The following RBM33 variants were observed in gnomAD, a reference collection of about 807,000 sequenced individuals.
RBM33 encodes the protein RNA binding motif protein 33.
Under a neutral mutation model 132.6 loss-of-function variants are expected in RBM33, and 28 were observed. The ratio of observed to expected loss-of-function variants is 0.21; its 90% CI spans 0.16 to 0.29. RBM33 has a LOEUF of 0.29. Ranked by LOEUF, RBM33 falls within the 10% of genes least tolerant of loss-of-function variation. The probability of loss-of-function intolerance (pLI) is 1.00; values close to 1 mark genes in which losing one functional copy is unlikely to be tolerated. For synonymous variants in RBM33, 634 were observed against 593.0 expected (o/e 1.07, Z -1.01); for missense variants, 1,291 against 1,518.5 (o/e 0.85, Z 2.49).
chr7:155,748,428 A>G (rs900072114), intron 14 of RBM33, among the ~76,000 whole-genome samples: 1 of 152,208 alleles, frequency 6.6e-6, no homozygotes, highest in African/African-American at 2.4e-5. Context: ...TTGCAGTTGA[A>G]ATATGTGTCC....
chr7:155,673,954 T>TGTTTTTTTTTTG lies in RBM33; in HGVS notation c.171+1039_171+1040insGTTTTTTTTTTG, dbSNP rs1563138409. 3.4e-5 allele frequency among the ~76,000 whole-genome samples: 4 copies of TGTTTTTTTTTTG among 118,030 alleles called. 1 individual carries two copies. The highest frequency in any genetic ancestry group is 1.3e-4 in the African/African-American group (4 of 31,622). 77.4% of individuals were successfully genotyped at this position (118,030 alleles called of 152,430 possible). On this transcript the variant is annotated intron_variant, in intron 3 of 17. Transcript: ENST00000401878. ...GTTTAGGCTTAGTTTTTTTTTTTTTTTTTTTTTTTTTTTTTTTTGAGACAC... is the reference window on the plus strand; with the variant it reads ...GTTTAGGCTTAGTTTTTTTTTTTTTTGTTTTTTTTTTGTTTTTTTTTTTTTTTTTTGAGACAC...
intron 15 of RBM33, among the ~76,000 whole-genome samples, chr7:155,764,971 A>G (rs975061329): frequency 6.6e-6 from 1 of 152,254 alleles, no homozygotes; most frequent in Non-Finnish European, 1.5e-5. Flanking sequence ...ATTCAGTGAT[A>G]ACGCCAGTGT....
intron 4 of RBM33, 129 bp downstream of exon 4, chr7:155,678,813 A>G (rs767312622): frequency 1.6e-5 from 9 of 580,366 alleles, no homozygotes; most frequent in Non-Finnish European, 2.8e-5. Context: ...TACATTCTAA[A>G]TGGAATACTA....
chr7:155,736,133 A>C (rs950384090), intron 9 of RBM33, among the ~76,000 whole-genome samples: 1 of 152,176 alleles, frequency 6.6e-6, no homozygotes, highest in Non-Finnish European at 1.5e-5. Flanking sequence ...ACTAGTGTTC[A>C]TTTTGTCTAT....
intron 1 of RBM33, among the ~76,000 whole-genome samples, chr7:155,656,004 G>A (rs994202951): frequency 1.4e-4 from 22 of 152,154 alleles, no homozygotes; most frequent in Admixed American, 1.2e-3. Flanking sequence ...ACAGACTGTG[G>A]TTATTCAGAT....
intron 3 of RBM33, among the ~76,000 whole-genome samples, chr7:155,673,661 C>CACAT (rs1554469840): frequency 1.8e-5 from 2 of 108,188 alleles, no homozygotes; most frequent in African/African-American, 4.0e-5. Flanking sequence ...TATATACACA[C>CACAT]ATATACATAC....
chr7:155,652,281 T>C (rs1798376248), intron 1 of RBM33, among the ~76,000 whole-genome samples: 1 of 152,212 alleles, frequency 6.6e-6, no homozygotes, highest in Non-Finnish European at 1.5e-5. Context: ...ATGAGTTTTG[T>C]TGGAAGTGCT....
chr7:155,771,076 A>T (rs996543905), intron 16 of RBM33, among the ~76,000 whole-genome samples: 1 of 152,162 alleles, frequency 6.6e-6, no homozygotes, highest in African/African-American at 2.4e-5. Context: ...TCTCCCTGCC[A>T]GTACGTTATG....
At chr7:155,664,917 GT>G (rs35481002) in intron 1 of RBM33, among the ~76,000 whole-genome samples, 20 of 149,038 alleles carry the variant, frequency 1.3e-4, no homozygotes, top group Non-Finnish European at 2.1e-4. Context: ...AACATTTGAG[GT>G]TTTTTTTTTT....
chr7:155,767,903 A>G (rs541729636), intron 16 of RBM33, among the ~76,000 whole-genome samples: 1 of 152,366 alleles, frequency 6.6e-6, no homozygotes, highest in Non-Finnish European at 1.5e-5. Context: ...TGGTTATCCT[A>G]ATCTGAGATT....
chr7:155,697,139 G>T (rs1799814919), intron 5 of RBM33, among the ~76,000 whole-genome samples: 1 of 152,148 alleles, frequency 6.6e-6, no homozygotes, highest in African/African-American at 2.4e-5. Context: ...TACCTTAAGG[G>T]ATGGGGTTCT....
At chr7:155,688,318 A>G (rs1361971136) in intron 5 of RBM33, among the ~76,000 whole-genome samples, 3 of 152,186 alleles carry the variant, frequency 2.0e-5, no homozygotes, top group Non-Finnish European at 2.9e-5. Flanking sequence ...ATTTTTGCAC[A>G]TTGATTTTGT....
At chr7:155,725,382 T>C (rs1451973058) in intron 9 of RBM33, among the ~76,000 whole-genome samples, 1 of 152,112 alleles carries the variant, frequency 6.6e-6, no homozygotes, top group Non-Finnish European at 1.5e-5. Context: ...AGCTGACTTT[T>C]GGAAAGATCA....
chr7:155,778,863 T>C lies in RBM33; in HGVS notation c.*3822T>C, dbSNP rs1427597036. On this transcript the variant is annotated 3_prime_UTR_variant, in exon 18 of 18. Coordinates refer to ENST00000401878, the MANE Select transcript of RBM33 (RefSeq NM_053043.3). The surrounding 1 kb of genome is among the most constrained non-coding windows in gnomAD (Gnocchi z 4.0). Reference sequence around the variant, plus strand: ...GACGCTTGTCGAAGGCAGGTCCTAGTCATGTAATTGCACAGGACAAGGAGG... The same window carrying C: ...GACGCTTGTCGAAGGCAGGTCCTAGCCATGTAATTGCACAGGACAAGGAGG... The C allele has an allele frequency of 6.5e-6, 1 of 153,012 alleles. No individual in the cohort carries two copies. The highest frequency in any genetic ancestry group is 1.5e-5 in the Non-Finnish European group (1 of 68,040). The allele number at this position is 153,012 out of a possible 1,614,324, so 9.5% of individuals were successfully genotyped here.
intron 16 of RBM33, among the ~76,000 whole-genome samples, chr7:155,773,192 A>G (rs1802486882): frequency 6.6e-6 from 1 of 152,308 alleles, no homozygotes; most frequent in African/African-American, 2.4e-5. Flanking sequence ...CTGGCCACCA[A>G]AAGTGCCTGC....
At chr7:155,670,181 A>G (rs982734538) in intron 2 of RBM33, among the ~76,000 whole-genome samples, 3 of 152,218 alleles carry the variant, frequency 2.0e-5, no homozygotes, top group Non-Finnish European at 2.9e-5. Context: ...TGTAAGCTTT[A>G]ATAAGAAATG....
At chr7:155,691,640 G>A (rs1295654570) in intron 5 of RBM33, among the ~76,000 whole-genome samples, 3 of 152,178 alleles carry the variant, frequency 2.0e-5, no homozygotes, top group African/African-American at 7.2e-5. Flanking sequence ...GTTAAAGAAT[G>A]TTAACAAGTA....
chr7:155,720,110 A>G (rs1298101119), intron 9 of RBM33, among the ~76,000 whole-genome samples: 1 of 152,202 alleles, frequency 6.6e-6, no homozygotes, highest in Non-Finnish European at 1.5e-5. Context: ...GCAGTTTTGA[A>G]CAGTTTCTGC....
chr7:155,721,917 A>G (rs977392360), intron 9 of RBM33, among the ~76,000 whole-genome samples: 14 of 152,322 alleles, frequency 9.2e-5, no homozygotes, highest in African/African-American at 2.6e-4. Flanking sequence ...GTGTCTTAAG[A>G]AAAGGATCCT....
Sources: allele counts gnomAD v4.1 joint callset (sites outside exome capture counted in the v4.1 genomes callset), GRCh38; gene constraint gnomAD v4.1.1; non-coding constraint Gnocchi (gnomAD v3.1); transcripts MANE v1.5; gene names NCBI Gene and HGNC (gene_info 2026-07-23, HGNC 2026-07-21).